LPP: variants seen among roughly 807,000 people sequenced by gnomAD.
The protein encoded by LPP is LIM domain containing preferred translocation partner in lipoma.
In LPP, 38 loss-of-function variants were observed where a neutral mutation model predicts 60.4. The ratio of observed to expected loss-of-function variants is 0.63; its 90% CI spans 0.49 to 0.83. The LOEUF is 0.83. Among genes scored for constraint, LPP ranks in the 40% least tolerant of loss-of-function variants. The probability of loss-of-function intolerance (pLI) is 0.00; values close to 1 mark genes in which losing one functional copy is unlikely to be tolerated. For missense variants in LPP, 902 were observed against 783.6 expected, an observed-to-expected ratio of 1.15 and a Z score of -1.80; for synonymous variants, 328 against 290.8, an observed-to-expected ratio of 1.13 and a Z score of -1.30.
At chr3:188,773,352 T>C (rs912081110) in intron 9 of LPP, among the ~76,000 whole-genome samples, 2 of 117,910 alleles carry the variant, frequency 1.7e-5, no homozygotes, top group Non-Finnish European at 3.8e-5. Flanking sequence ...ATTATGTAGG[T>C]CTTCAAAGAA....
chr3:188,525,469 A>T (rs1477299103), intron 6 of LPP, among the ~76,000 whole-genome samples: 1 of 152,212 alleles, frequency 6.6e-6, no homozygotes, highest in South Asian at 2.1e-4. Flanking sequence ...AGCTTTGTCT[A>T]TATGGATATT....
At chr3:188,361,915 C>T (rs958547711) in intron 3 of LPP, among the ~76,000 whole-genome samples, 1 of 152,146 alleles carries the variant, frequency 6.6e-6, no homozygotes, top group African/African-American at 2.4e-5. Context: ...AGTGCTTACT[C>T]TGCAAAGCCT....
intron 1 of LPP, among the ~76,000 whole-genome samples, chr3:188,202,634 G>A (rs561422892): frequency 6.6e-6 from 1 of 152,234 alleles, no homozygotes; most frequent in Non-Finnish European, 1.5e-5. Flanking sequence ...TCTGCCTGGG[G>A]ATGGCAGCCG....
chr3:188,786,529 A>G (rs189101644), intron 9 of LPP, among the ~76,000 whole-genome samples: 42 of 152,238 alleles, frequency 2.8e-4, no homozygotes, highest in Admixed American at 5.2e-4. Flanking sequence ...TTCTTCTTTT[A>G]AAACTAATCC....
intron 5 of LPP, among the ~76,000 whole-genome samples, chr3:188,499,577 G>A (rs1262399921): frequency 6.6e-6 from 1 of 152,128 alleles, no homozygotes; most frequent in Non-Finnish European, 1.5e-5. Flanking sequence ...ACTCAGGATT[G>A]TTCTGCCTAT....
chr3:188,585,590 C>G (rs987721587), intron 6 of LPP, among the ~76,000 whole-genome samples: 2 of 152,168 alleles, frequency 1.3e-5, no homozygotes, highest in Non-Finnish European at 2.9e-5. Context: ...TTCTTTTAGT[C>G]CTAAAGCTTA....
intron 6 of LPP, among the ~76,000 whole-genome samples, chr3:188,573,107 A>T (rs2150872847): frequency 1.3e-5 from 2 of 152,200 alleles, no homozygotes; most frequent in Middle Eastern, 6.8e-3. Flanking sequence ...AGTACCAGGC[A>T]CTGTTGTAAG....
chr3:188,322,444 A>C (rs936646830), intron 2 of LPP, among the ~76,000 whole-genome samples: 3 of 152,138 alleles, frequency 2.0e-5, no homozygotes, highest in Admixed American at 6.5e-5. Context: ...CATGATTCCT[A>C]GTTAGGCATG....
At chr3:188,286,118 G>C (rs1743831974) in intron 2 of LPP, among the ~76,000 whole-genome samples, 1 of 152,116 alleles carries the variant, frequency 6.6e-6, no homozygotes, top group Non-Finnish European at 1.5e-5. Context: ...ATCTGTGCCC[G>C]TCCTTGTCAC....
At chr3:188,866,084 C>A in intron 9 of LPP, 116 bp from the exon 10 acceptor site, 1 of 715,988 alleles carries the variant, frequency 1.4e-6, no homozygotes, top group African/African-American at 1.8e-5. Flanking sequence ...GTGATAAATG[C>A]CTTCCTTAGA....
intron 9 of LPP, among the ~76,000 whole-genome samples, chr3:188,790,040 C>G (rs1371820226): frequency 6.6e-6 from 1 of 151,824 alleles, no homozygotes; most frequent in East Asian, 1.9e-4. Flanking sequence ...TATTTTTGAC[C>G]CTGCAACTCG....
At chr3:188,449,916 T>C (rs1372116289) in intron 4 of LPP, among the ~76,000 whole-genome samples, 1 of 152,166 alleles carries the variant, frequency 6.6e-6, no homozygotes, top group East Asian at 1.9e-4. Context: ...GCAATTCTTC[T>C]GCCTCAGCCT....
intron 2 of LPP, among the ~76,000 whole-genome samples, chr3:188,286,475 A>G (rs1044121304): frequency 7.9e-5 from 12 of 152,122 alleles, no homozygotes; most frequent in Non-Finnish European, 1.3e-4. Flanking sequence ...CGGATCCTCT[A>G]TTTCCTAATT....
At chr3:188,590,023 G>A (rs951025658) in intron 6 of LPP, among the ~76,000 whole-genome samples, 2 of 152,116 alleles carry the variant, frequency 1.3e-5, no homozygotes, top group Admixed American at 6.5e-5. Flanking sequence ...GCACTCTTTC[G>A]TATACTTAAG....
At chr3:188,222,686 A>T (rs1024040199) in intron 1 of LPP, among the ~76,000 whole-genome samples, 1 of 152,062 alleles carries the variant, frequency 6.6e-6, no homozygotes, top group African/African-American at 2.4e-5. Context: ...TCAGGGCCAG[A>T]TAGAACTGTG....
intron 1 of LPP, among the ~76,000 whole-genome samples, chr3:188,167,211 A>G (rs1388992632): frequency 2.0e-5 from 3 of 152,204 alleles, no homozygotes; most frequent in Non-Finnish European, 4.4e-5. Context: ...AAAGCCTGCC[A>G]TGTTGGCCGG....
At chr3:188,457,319 G>A (rs750909876) in intron 4 of LPP, among the ~76,000 whole-genome samples, 8 of 152,106 alleles carry the variant, frequency 5.3e-5, no homozygotes, top group Non-Finnish European at 1.2e-4. Context: ...CCATCTTGAT[G>A]TACAGCTAAC....
chr3:188,823,595 A>G (rs760415193), intron 9 of LPP, among the ~76,000 whole-genome samples: 3 of 152,214 alleles, frequency 2.0e-5, no homozygotes, highest in Non-Finnish European at 2.9e-5. Flanking sequence ...CATGACTTCA[A>G]AATACTTTTG....
chr3:188,745,946 G>A (rs1313088148), intron 8 of LPP, among the ~76,000 whole-genome samples: 2 of 152,104 alleles, frequency 1.3e-5, no homozygotes, highest in Admixed American at 6.5e-5. Flanking sequence ...TGGTAGAGCC[G>A]ACCCATGTCT....
Sources: allele counts gnomAD v4.1 joint callset (sites outside exome capture counted in the v4.1 genomes callset), GRCh38; gene constraint gnomAD v4.1.1; transcripts MANE v1.5; gene names NCBI Gene and HGNC (gene_info 2026-07-23, HGNC 2026-07-21).